The following PLSCR2 variants were observed in gnomAD, a reference collection of about 807,000 sequenced individuals.
The protein encoded by PLSCR2 is phospholipid scramblase 2.
A neutral mutation model predicts 25.3 loss-of-function variants in PLSCR2; 18 were observed. That is an observed-to-expected ratio of 0.71 (90% CI 0.49 to 1.06). The LOEUF is 1.06. Among genes scored for constraint, PLSCR2 ranks in the 50% least tolerant of loss-of-function variants. The probability of loss-of-function intolerance (pLI) is 0.00; values close to 1 mark genes in which losing one functional copy is unlikely to be tolerated. For missense variants in PLSCR2, 243 were observed against 269.5 expected (o/e 0.90, Z 0.69); for synonymous variants, 88 against 87.3 (o/e 1.01, Z -0.04).
chr3:146,466,182 G>A lies in PLSCR2; in HGVS notation c.-292-5898C>T, dbSNP rs114811120. On this transcript the variant is annotated intron_variant, in intron 1 of 8. Coordinates refer to the PLSCR2 transcript ENST00000336685. ...AGTTTTGTTTGTTTGTTTGTCTTTT[G>A]GTTTTATTGAGACAGAGTCTTGCTC... Among the ~76,000 whole-genome samples the A allele has an allele frequency of 6.1e-3, 930 of 152,236 alleles. 8 individuals are homozygous for A. The highest frequency in any genetic ancestry group is 0.021 in the African/African-American group (889 of 41,548).
upstream of PLSCR2, among the ~76,000 whole-genome samples, chr3:146,464,578 A>C (rs1338254955): frequency 6.6e-6 from 1 of 152,220 alleles, no homozygotes; most frequent in African/African-American, 2.4e-5. Context: ...TACTAAAACA[A>C]AGCAAAAGTT....
At chr3:146,449,423 T>A in intron 5 of PLSCR2, 56 bp from the exon 6 acceptor site, 2 of 1,203,624 alleles carry the variant, frequency 1.7e-6, no homozygotes, top group South Asian at 2.7e-5. Flanking sequence ...ATAGCAAAAT[T>A]ACTTTTAACA....
chr3:146,479,452 G>A (rs575609219), intron 1 of PLSCR2, among the ~76,000 whole-genome samples: 76 of 152,164 alleles, frequency 5.0e-4, no homozygotes, highest in African/African-American at 1.7e-3. Context: ...CTACTCTCTG[G>A]TAAAACAGAA....
chr3:146,436,824 G>A (rs145736570), downstream of PLSCR2, among the ~76,000 whole-genome samples: 12,179 of 152,166 alleles, frequency 0.08, 620 homozygotes, highest in African/African-American at 0.13. Context: ...GAATAGGAGT[G>A]GTGAGAGAGG....
intron 3 of PLSCR2, 102 bp from the exon 4 acceptor site, chr3:146,455,561 G>A: frequency 2.8e-6 from 2 of 705,808 alleles, no homozygotes; most frequent in Admixed American, 2.6e-5. Flanking sequence ...AAGTATCATA[G>A]AAAGAACAAA....
chr3:146,425,642 T>G (rs951832689), intron 2 of PLSCR2, among the ~76,000 whole-genome samples: 3 of 152,144 alleles, frequency 2.0e-5, no homozygotes, highest in African/African-American at 7.2e-5. Flanking sequence ...ATAGATGGCT[T>G]AAATAGCTGT....
intron 1 of PLSCR2, among the ~76,000 whole-genome samples, chr3:146,483,483 A>C (rs1438734004): frequency 1.2e-5 from 1 of 81,204 alleles, no homozygotes; most frequent in Admixed American, 1.3e-4. Context: ...ACATGTGTAT[A>C]TATATATATA....
chr3:146,472,170 T>G (rs2042139381), intron 1 of PLSCR2, among the ~76,000 whole-genome samples: 1 of 152,238 alleles, frequency 6.6e-6, no homozygotes, highest in African/African-American at 2.4e-5. Context: ...AGACTTACAT[T>G]ATGACCTTCT....
At chr3:146,422,166 C>T (rs1180355592) in intron 2 of PLSCR2, among the ~76,000 whole-genome samples, 1 of 152,066 alleles carries the variant, frequency 6.6e-6, no homozygotes, top group Non-Finnish European at 1.5e-5. Context: ...GAGAGAACTT[C>T]ATTCACATCA....
chr3:146,396,269 T>C (rs2038268476), intron 2 of PLSCR2, among the ~76,000 whole-genome samples: 5 of 152,190 alleles, frequency 3.3e-5, no homozygotes, highest in Admixed American at 3.3e-4. Context: ...GCTTCCCAAC[T>C]CTTTCATAAG....
intron 6 of PLSCR2, 117 bp from the exon 7 acceptor site, chr3:146,441,938 A>C (rs1241852937): frequency 1.6e-6 from 1 of 627,300 alleles, no homozygotes. Flanking sequence ...AGAAAAATTA[A>C]CTATAATAAG....
intron 1 of PLSCR2, chr3:146,495,796 G>T: frequency 1.1e-6 from 1 of 905,754 alleles, no homozygotes; most frequent in South Asian, 1.6e-5. Flanking sequence ...GGTAGTTCGT[G>T]AATAGGAACA....
At chr3:146,438,687 C>T (rs543916175), downstream of PLSCR2, among the ~76,000 whole-genome samples, 4 of 152,086 alleles carry the variant, frequency 2.6e-5, no homozygotes, top group East Asian at 7.7e-4. Context: ...TGAGATGGGT[C>T]TCCTGAATAC....
downstream of PLSCR2, among the ~76,000 whole-genome samples, chr3:146,437,114 C>T (rs2039911693): frequency 6.6e-6 from 1 of 151,918 alleles, no homozygotes; most frequent in Non-Finnish European, 1.5e-5. Flanking sequence ...CCTTGTATCC[C>T]AGGAATGAAG....
upstream of PLSCR2, chr3:146,463,789 T>A: frequency 1.2e-6 from 1 of 806,464 alleles, no homozygotes; most frequent in Non-Finnish European, 1.5e-6. Context: ...TCCCTCCACA[T>A]CCTCAACTAA....
chr3:146,408,307 A>G (rs1201364729), intron 2 of PLSCR2, among the ~76,000 whole-genome samples: 6 of 152,122 alleles, frequency 3.9e-5, no homozygotes, highest in Non-Finnish European at 8.8e-5. Flanking sequence ...GTGGACAAAC[A>G]GGTGAAACGG....
At chr3:146,428,939 C>T (rs532943448), downstream of PLSCR2, among the ~76,000 whole-genome samples, 3 of 152,186 alleles carry the variant, frequency 2.0e-5, no homozygotes, top group Non-Finnish European at 4.4e-5. Flanking sequence ...AACTGTTGAT[C>T]TTTACCAACA....
chr3:146,466,245 T>TCA (rs5853275), intron 1 of PLSCR2, among the ~76,000 whole-genome samples: 83,307 of 151,902 alleles, frequency 0.55, 23,092 homozygotes, highest in South Asian at 0.67. Flanking sequence ...CGATCTCAGC[T>TCA]CTGCAACCTC....
intron 2 of PLSCR2, among the ~76,000 whole-genome samples, chr3:146,417,093 A>G (rs2039022571): frequency 6.6e-6 from 1 of 152,154 alleles, no homozygotes; most frequent in African/African-American, 2.4e-5. Context: ...CAAAATTAGA[A>G]TGCATCTCTA....
Sources: allele counts gnomAD v4.1 joint callset (sites outside exome capture counted in the v4.1 genomes callset), GRCh38; gene constraint gnomAD v4.1.1; transcripts MANE v1.5; gene names NCBI Gene and HGNC (gene_info 2026-07-23, HGNC 2026-07-21).